SEM1: variants seen among roughly 807,000 people sequenced by gnomAD.
SEM1 encodes SEM1 26S proteasome subunit, also known as 26S proteasome complex subunit SEM1.
A neutral mutation model predicts 12.7 loss-of-function variants in SEM1; 3 were observed. The observed-to-expected ratio is 0.24, with a 90% CI of 0.11 to 0.61. The LOEUF (loss-of-function observed/expected upper bound fraction) is 0.61. SEM1 is among the 20% of genes least tolerant of loss of function. SEM1 has a pLI of 0.88. For missense variants in SEM1, 59 were observed against 81.3 expected (o/e 0.73, Z 1.06); for synonymous variants, 30 against 27.8 (o/e 1.08, Z -0.25).
At chr7:96,685,896 T>A (rs1191592982), downstream of SEM1, among the ~76,000 whole-genome samples, 2 of 152,036 alleles carry the variant, frequency 1.3e-5, no homozygotes, top group Admixed American at 6.6e-5. Flanking sequence ...AAACTGTTAA[T>A]AGGCTGTTCT....
At chr7:96,696,645 AAC>A (rs969295782) in intron 1 of SEM1, 1 of 151,982 alleles carries the variant, frequency 6.6e-6, no homozygotes, top group African/African-American at 2.4e-5. Context: ...GGATATTTTA[AAC>A]AGTGTATTAA....
chr7:96,522,075 A>T (rs377439474), intron 2 of SEM1, among the ~76,000 whole-genome samples: 1 of 152,088 alleles, frequency 6.6e-6, no homozygotes, highest in African/African-American at 2.4e-5. Context: ...TTCAAAATCA[A>T]TTTTGCCAAA....
intron 2 of SEM1, among the ~76,000 whole-genome samples, chr7:96,595,464 ACTGCGTCACTG>A (rs1439781096): frequency 6.6e-6 from 1 of 152,170 alleles, no homozygotes; most frequent in African/African-American, 2.4e-5. Context: ...GTGAGCCATG[ACTGCGTCACTG>A]CACTCCAGAC....
chr7:96,486,397 C>G (rs1461985547), exon 2 of SEM1: 1 of 1,536,980 alleles, frequency 6.5e-7, no homozygotes, highest in Non-Finnish European at 8.7e-7. Flanking sequence ...GTACAGCAAA[C>G]ACAGCACAAA....
chr7:96,525,923 T>C (rs931209790), intron 2 of SEM1, among the ~76,000 whole-genome samples: 1 of 152,154 alleles, frequency 6.6e-6, no homozygotes, highest in African/African-American at 2.4e-5. Context: ...AAACATGGTC[T>C]TCCAGAAAAC....
At chr7:96,626,934 A>G (rs1234475639) in intron 2 of SEM1, among the ~76,000 whole-genome samples, 1 of 151,936 alleles carries the variant, frequency 6.6e-6, no homozygotes, top group Non-Finnish European at 1.5e-5. Context: ...CTTTACTGAC[A>G]GAGTTTTTAT....
intron 2 of SEM1, among the ~76,000 whole-genome samples, chr7:96,557,841 A>G (rs1805571549): frequency 6.6e-6 from 1 of 152,062 alleles, no homozygotes; most frequent in African/African-American, 2.4e-5. Flanking sequence ...GCAATCAGCC[A>G]GGCTCCGTGG....
At chr7:96,565,625 A>G (rs1023927741) in intron 2 of SEM1, among the ~76,000 whole-genome samples, 2 of 151,896 alleles carry the variant, frequency 1.3e-5, no homozygotes, top group Non-Finnish European at 2.9e-5. Context: ...GTAATTTAAT[A>G]GTCTGAAGCT....
At chr7:96,589,108 C>T (rs544482447) in intron 2 of SEM1, among the ~76,000 whole-genome samples, 21 of 152,320 alleles carry the variant, frequency 1.4e-4, no homozygotes, top group African/African-American at 2.9e-4. Flanking sequence ...GTGTGGGAAC[C>T]GCACTGCTTA....
At chr7:96,678,964 G>A (rs995745823) in intron 2 of SEM1, among the ~76,000 whole-genome samples, 2 of 151,964 alleles carry the variant, frequency 1.3e-5, no homozygotes, top group Non-Finnish European at 2.9e-5. Context: ...GTATTATATA[G>A]ACTTGTATCA....
intron 2 of SEM1, among the ~76,000 whole-genome samples, chr7:96,524,001 C>G (rs1804366654): frequency 6.6e-6 from 1 of 152,088 alleles, no homozygotes; most frequent in Non-Finnish European, 1.5e-5. Context: ...CCTCTGTCCC[C>G]TTTTGGGTTT....
At chr7:96,702,414 C>T (rs79352193) in intron 1 of SEM1, among the ~76,000 whole-genome samples, 23,542 of 151,990 alleles carry the variant, frequency 0.15, 3,319 homozygotes, top group African/African-American at 0.38. Context: ...GCTGATTTCA[C>T]ATATAAAATT....
chr7:96,662,518 A>AG (rs1789038397), intron 2 of SEM1, among the ~76,000 whole-genome samples: 1 of 152,050 alleles, frequency 6.6e-6, no homozygotes, highest in African/African-American at 2.4e-5. Context: ...GGGGCCTGTC[A>AG]GGGGGTGGGA....
intron 2 of SEM1, among the ~76,000 whole-genome samples, chr7:96,546,294 TAC>T (rs1805100426): frequency 6.6e-6 from 1 of 152,048 alleles, no homozygotes; most frequent in African/African-American, 2.4e-5. Flanking sequence ...TGTAAAGAAT[TAC>T]AGTAAAATTT....
intron 2 of SEM1, among the ~76,000 whole-genome samples, chr7:96,678,827 C>T (rs1789520766): frequency 6.6e-6 from 1 of 152,126 alleles, no homozygotes; most frequent in African/African-American, 2.4e-5. Flanking sequence ...TGCTCTCTTT[C>T]AGAGTCAGTT....
chr7:96,618,071 C>A (rs1043631193), downstream of SEM1, among the ~76,000 whole-genome samples: 2 of 152,162 alleles, frequency 1.3e-5, no homozygotes, highest in African/African-American at 4.8e-5. Context: ...CCCCCCTCCT[C>A]ATTTTTTAAA....
chr7:96,571,603 T>G (rs761706234), intron 2 of SEM1, among the ~76,000 whole-genome samples: 3 of 151,674 alleles, frequency 2.0e-5, no homozygotes, highest in Non-Finnish European at 4.4e-5. Context: ...TATACATATA[T>G]ATATACATAC....
At chr7:96,556,528 T>TTC (rs1805508039) in intron 2 of SEM1, among the ~76,000 whole-genome samples, 1 of 152,206 alleles carries the variant, frequency 6.6e-6, no homozygotes, top group Non-Finnish European at 1.5e-5. Flanking sequence ...CCCCACTCTC[T>TTC]TCTGTCTTCT....
intron 2 of SEM1, among the ~76,000 whole-genome samples, chr7:96,520,804 A>G (rs1283348252): frequency 6.6e-6 from 1 of 152,148 alleles, no homozygotes; most frequent in Non-Finnish European, 1.5e-5. Context: ...GACAGAGGCT[A>G]GTAGGCTGGC....
Sources: allele counts gnomAD v4.1 joint callset (sites outside exome capture counted in the v4.1 genomes callset), GRCh38; gene constraint gnomAD v4.1.1; transcripts MANE v1.5; gene names NCBI Gene and HGNC (gene_info 2026-07-23, HGNC 2026-07-21).